CIB1: variants seen among roughly 807,000 people sequenced by gnomAD.
The protein encoded by CIB1 is calcium and integrin-binding protein 1.
A neutral mutation model predicts 25.0 loss-of-function variants in CIB1; 19 were observed. That is an observed-to-expected ratio of 0.76 (90% CI 0.53 to 1.12). The LOEUF is 1.12. Ranked by LOEUF, CIB1 falls within the 50% of genes most tolerant of loss-of-function variation. The pLI, the probability that CIB1 is intolerant of heterozygous loss-of-function variation, is 0.00. For synonymous variants in CIB1, 104 were observed against 98.5 expected (o/e 1.06, Z -0.33); for missense variants, 236 against 242.6 (o/e 0.97, Z 0.18).
At chr15:90,241,301 C>G in the CIB1 span, 1 of 1,614,218 alleles carries the variant, frequency 6.2e-7, no homozygotes, top group Non-Finnish European at 8.5e-7. Flanking sequence ...AGATCCGGCC[C>G]GGAGAAGTCC....
chr15:90,242,259 T>G, the CIB1 span: 2 of 174,722 alleles, frequency 1.1e-5, no homozygotes, highest in Non-Finnish European at 2.1e-5. Context: ...CTGGCTTTTT[T>G]TTTTTTTTTT....
chr15:90,235,578 T>C (rs1009110552), upstream of CIB1, among the ~76,000 whole-genome samples: 6 of 151,854 alleles, frequency 4.0e-5, no homozygotes, highest in African/African-American at 1.2e-4. Flanking sequence ...ATTTTTCTCT[T>C]TTTTTTTGAG....
chr15:90,263,145 G>C, the CIB1 span: 1 of 1,521,674 alleles, frequency 6.6e-7, no homozygotes, highest in Non-Finnish European at 8.7e-7. Context: ...ATGAGAGTCG[G>C]GTGAGGGTCC....
the CIB1 span, among the ~76,000 whole-genome samples, chr15:90,256,493 T>G: frequency 6.6e-6 from 1 of 152,234 alleles, no homozygotes. Context: ...TTCCCAGATA[T>G]GTGACCTTGG....
chr15:90,238,060 G>A (rs967708384), upstream of CIB1, among the ~76,000 whole-genome samples: 1 of 152,188 alleles, frequency 6.6e-6, no homozygotes, highest in Admixed American at 6.5e-5. Context: ...AGCACTTTGG[G>A]AGGCCAACGC....
At chr15:90,255,232 C>T in the CIB1 span, among the ~76,000 whole-genome samples, 1 of 152,322 alleles carries the variant, frequency 6.6e-6, no homozygotes, top group South Asian at 2.1e-4. Context: ...TACTTGGTGG[C>T]ATCCCGGATG....
At chr15:90,239,700 A>ATATC in the CIB1 span, among the ~76,000 whole-genome samples, 3 of 152,306 alleles carry the variant, frequency 2.0e-5, no homozygotes, top group East Asian at 1.9e-4. Flanking sequence ...TAGCCAAACC[A>ATATC]TATCTATCTA....
upstream of CIB1, among the ~76,000 whole-genome samples, chr15:90,237,283 CTTT>C (rs35595704): frequency 8.8e-6 from 1 of 113,232 alleles, no homozygotes. Context: ...CTTTTTTTCC[CTTT>C]TTTTTTTTTT....
At chr15:90,257,930 C>A in the CIB1 span, 1 of 1,126,522 alleles carries the variant, frequency 8.9e-7, no homozygotes, top group Non-Finnish European at 1.3e-6. Context: ...TGCTAGCAGC[C>A]CTTCAAAGCC....
the CIB1 span, among the ~76,000 whole-genome samples, chr15:90,254,856 GAA>G: frequency 6.6e-6 from 1 of 150,486 alleles, no homozygotes; most frequent in African/African-American, 2.4e-5. Context: ...AGGGAAGGGG[GAA>G]AAAAAAAGGA....
chr15:90,261,583 C>A, the CIB1 span, among the ~76,000 whole-genome samples: 1 of 151,820 alleles, frequency 6.6e-6, no homozygotes, highest in East Asian at 2.0e-4. Context: ...ACTTGAGGTC[C>A]GGCCTTGCCA....
the CIB1 span, among the ~76,000 whole-genome samples, chr15:90,254,773 G>C: frequency 2.6e-5 from 4 of 152,262 alleles, no homozygotes; most frequent in African/African-American, 7.2e-5. Context: ...TTGAGCCTGG[G>C]AGGCAGAGGC....
At chr15:90,234,041 C>A (rs1033110667), upstream of CIB1, 2 of 863,398 alleles carry the variant, frequency 2.3e-6, no homozygotes, top group Middle Eastern at 3.6e-4. Context: ...GCCAGGCGTT[C>A]CCAGCCGGGT....
chr15:90,251,489 C>G, the CIB1 span: 73 of 1,475,318 alleles, frequency 4.9e-5, no homozygotes, highest in Non-Finnish European at 2.4e-5. Context: ...TGTTGGATGT[C>G]TTTTCATCTG....
At chr15:90,241,716 A>G in the CIB1 span, 1 of 1,614,108 alleles carries the variant, frequency 6.2e-7, no homozygotes, top group African/African-American at 1.3e-5. Flanking sequence ...GGAGTCCTTG[A>G]TAAGCAGGGT....
chr15:90,265,327 C>G, the CIB1 span: 3 of 1,221,560 alleles, frequency 2.5e-6, no homozygotes, highest in Non-Finnish European at 3.1e-6. Flanking sequence ...GCCGAGTGCC[C>G]AAGGCACTGG....
the CIB1 span, among the ~76,000 whole-genome samples, chr15:90,256,600 TCTTTCTTTCCTTCC>T: frequency 2.9e-5 from 1 of 33,984 alleles, no homozygotes; most frequent in Non-Finnish European, 5.6e-5. Flanking sequence ...TTTCTTTCTT[TCTTTCTTTCCTTCC>T]TTCCTTCCTT....
chr15:90,241,842 A>G, the CIB1 span: 1 of 1,614,080 alleles, frequency 6.2e-7, no homozygotes, highest in African/African-American at 1.3e-5. Context: ...GGTCCGAGTA[A>G]TTCTGTGGGC....
upstream of CIB1, chr15:90,234,628 G>C (rs1567070490): frequency 6.8e-6 from 1 of 146,080 alleles, no homozygotes. Flanking sequence ...ATGGAAATAC[G>C]TAAGTCCAAA....
Sources: allele counts gnomAD v4.1 joint callset (sites outside exome capture counted in the v4.1 genomes callset), GRCh38; gene constraint gnomAD v4.1.1; transcripts MANE v1.5; gene names NCBI Gene and HGNC (gene_info 2026-07-23, HGNC 2026-07-21).